Variants in PCDHGB4 observed in about 807,000 individuals in gnomAD.
PCDHGB4 encodes the protein protocadherin gamma subfamily B, 4.
PCDHGB4 carries 38 observed loss-of-function variants against 60.5 expected under a neutral mutation model. The observed-to-expected ratio is 0.63, with a 90% CI of 0.48 to 0.82. The LOEUF (loss-of-function observed/expected upper bound fraction) is 0.82, where lower values mean the gene tolerates loss of function less well. PCDHGB4 is among the 40% of genes least tolerant of loss of function. PCDHGB4 has a pLI of 0.00. For synonymous variants in PCDHGB4, 456 were observed against 509.7 expected, an observed-to-expected ratio of 0.89 and a Z score of 1.42; for missense variants, 1,109 against 1,209.6, an observed-to-expected ratio of 0.92 and a Z score of 1.23.
chr5:141,419,505 G>A lies in PCDHGB4; in HGVS notation c.2397+29224G>A, dbSNP rs115850576. The A allele has an allele frequency of 8.4e-4, 1,351 of 1,612,324 alleles. 13 individuals are homozygous for A. In the African/African-American group the frequency reaches 0.015, roughly 18 times the overall value. The stretch of plus-strand genomic sequence containing the variant: ...GCGCTCAGCGCCAATGTGAGCCTGC[G>A]CGTGTTGGTGGGCGACCGTAACGAC... On this transcript the variant is annotated intron_variant, in intron 1 of 3. Transcript: ENST00000519479.
rs199698737 is a variant in PCDHGB4, at chr5:141,438,639, C to T, written c.2397+48358C>T. On this transcript the variant is annotated intron_variant, in intron 1 of 3. Transcript: ENST00000519479. ...ATATATATATATATATATATATACA[C>T]ACACACACACACATATATGTATATA... 7.1e-3 allele frequency among the ~76,000 whole-genome samples: 359 copies of T among 50,816 alleles called. 1 individual carries two copies. Among genetic ancestry groups the T allele is most frequent in the South Asian group, 0.017 (27 of 1,588 alleles). The allele number at this position is 50,816 out of a possible 152,430, so 33.3% of individuals were successfully genotyped here.
At chr5:141,400,538 A>G (rs994052728) in intron 1 of PCDHGB4, 1 of 1,613,662 alleles carries the variant, frequency 6.2e-7, no homozygotes, top group African/African-American at 1.3e-5. Context: ...AGTTTCATTT[A>G]TGTCTATTCT....
At chr5:141,501,355 A>G (rs936121172) in intron 2 of PCDHGB4, among the ~76,000 whole-genome samples, 4 of 151,760 alleles carry the variant, frequency 2.6e-5, no homozygotes, top group African/African-American at 9.7e-5. Flanking sequence ...ATAGGGCAAG[A>G]ACCATATTCA....
chr5:141,395,542 TTGTGTGTGTGTGTGTGTGTG>T (rs55729045), intron 1 of PCDHGB4: 12 of 172,620 alleles, frequency 7.0e-5, no homozygotes, highest in Admixed American at 1.6e-4. Flanking sequence ...TTGCTATTGT[TTGTGTGTGTGTGTGTGTGTG>T]TGTGTGTGTG....
chr5:141,422,928 C>T lies in PCDHGB4; in HGVS notation c.2397+32647C>T, dbSNP rs781145334. 4 of 1,614,128 alleles carry T rather than the reference C, an allele frequency of 2.5e-6. No individual in the cohort carries two copies. In the African/African-American group the frequency reaches 4.0e-5, roughly 16 times the overall value. On this transcript the variant is annotated intron_variant, in intron 1 of 3. Transcript: ENST00000519479. ...ATGCGCCCGAGATCCTGTACCCTGC[C>T]CTCCCCACAGACGGCTCCACTGGCG...
In PCDHGB4 at chr5:141,399,918, C is replaced by T. The variant is rs1163309827; in HGVS notation, c.2397+9637C>T. On this transcript the variant is annotated intron_variant, in intron 1 of 3. Coordinates refer to ENST00000519479, the MANE Select transcript of PCDHGB4 (RefSeq NM_003736.4). ...CCGTGGACGCAGACTCAGGACACAA[C>T]GCCTGGCTGTCCTACCACGTGCTGC... The T allele has an allele frequency of 4.3e-6, 7 of 1,612,240 alleles. No individual in the cohort carries two copies. In the East Asian group the frequency reaches 8.9e-5, roughly 21 times the overall value.
intron 1 of PCDHGB4, chr5:141,419,076 C>G: frequency 6.2e-7 from 1 of 1,613,956 alleles, no homozygotes; most frequent in Non-Finnish European, 8.5e-7. Context: ...AAGCTAGTAA[C>G]AGATGAGGCC....
Position 141,431,464 on chromosome 5 carries a change from G to GA in PCDHGB4, c.2397+41185dup, listed in dbSNP as rs1561852795. 1 of 1,613,782 alleles carries GA rather than the reference G, an allele frequency of 6.2e-7. No homozygotes were observed. Among genetic ancestry groups the GA allele is most frequent in the Non-Finnish European group, 8.5e-7 (1 of 1,179,972 alleles). ...GCATCCGCGTGATGGTTCTGGATGC[G>GA]AACGACAACGCACCAGCGTTTGCTC... On this transcript the variant is annotated intron_variant, in intron 1 of 3. Coordinates refer to ENST00000519479, the MANE Select transcript of PCDHGB4 (RefSeq NM_003736.4). This position sits in a 1 kb window ranked among gnomAD's most constrained non-coding sequence, Gnocchi z 4.8.
chr5:141,400,402 G>T (rs574141234), intron 1 of PCDHGB4: 2 of 1,614,056 alleles, frequency 1.2e-6, no homozygotes, highest in South Asian at 2.2e-5. Context: ...AGGAAAGACG[G>T]AGTTTAATTT....
At position 141,399,889 on chromosome 5, in the gene PCDHGB4, G is replaced by A. The variant is rs2093912508; in HGVS notation, c.2397+9608G>A. 2.5e-6 allele frequency: 4 copies of A among 1,612,576 alleles called. No homozygotes were observed. In the African/African-American group the frequency reaches 5.3e-5, roughly 22 times the overall value. On this transcript the variant is annotated intron_variant, in intron 1 of 3. Coordinates refer to ENST00000519479, the MANE Select transcript of PCDHGB4 (RefSeq NM_003736.4). Reference sequence around the variant, plus strand: ...GCCCGGCTACCTGGTGACCAAGGTAGTGGCCGTGGACGCAGACTCAGGACA... The same window carrying A: ...GCCCGGCTACCTGGTGACCAAGGTAATGGCCGTGGACGCAGACTCAGGACA...
chr5:141,397,004 T>A (rs2150690904), intron 1 of PCDHGB4, among the ~76,000 whole-genome samples: 2 of 152,342 alleles, frequency 1.3e-5, no homozygotes, highest in African/African-American at 4.8e-5. Context: ...ATCTGACAAA[T>A]GGACTAAAGA....
chr5:141,429,169 T>TACGC (rs2097190400), intron 1 of PCDHGB4: 1 of 145,394 alleles, frequency 6.9e-6, no homozygotes, highest in Non-Finnish European at 1.5e-5. Flanking sequence ...ACATTGTTTA[T>TACGC]ACACACACAC....
chr5:141,470,794 C>T (rs1332287628), intron 1 of PCDHGB4, among the ~76,000 whole-genome samples: 1 of 152,162 alleles, frequency 6.6e-6, no homozygotes, highest in African/African-American at 2.4e-5. Flanking sequence ...CTCAAGCAAT[C>T]CTCCCACTTC....
In PCDHGB4 at chr5:141,432,847, G is replaced by A. The variant is rs768265171; in HGVS notation, c.2397+42566G>A. On this transcript the variant is annotated intron_variant, in intron 1 of 3. Transcript: ENST00000519479. The surrounding 1 kb of genome is among the most constrained non-coding windows in gnomAD (Gnocchi z 6.0). Reference sequence around the variant, plus strand: ...ACCTCACTCTGTACCTGGTGGTAGCGGTGGCCGCGGTCTCCTGCGTCTTCC... The same window carrying A: ...ACCTCACTCTGTACCTGGTGGTAGCAGTGGCCGCGGTCTCCTGCGTCTTCC... 5.0e-6 allele frequency: 8 copies of A among 1,614,180 alleles called. No homozygotes were observed. The highest frequency in any genetic ancestry group is 6.8e-6 in the Non-Finnish European group (8 of 1,179,994).
At chr5:141,484,352 T>A (rs112226980) in intron 1 of PCDHGB4, among the ~76,000 whole-genome samples, 8,127 of 152,270 alleles carry the variant, frequency 0.053, 445 homozygotes, top group African/African-American at 0.15. Context: ...TAATTTAGTG[T>A]ATCTAGTGTA....
At chr5:141,417,602 C>G in intron 1 of PCDHGB4, 1 of 510,170 alleles carries the variant, frequency 2.0e-6, no homozygotes, top group Middle Eastern at 5.2e-4. Context: ...TGGGCGCCGC[C>G]GTCGGCCAGT....
intron 1 of PCDHGB4, among the ~76,000 whole-genome samples, chr5:141,448,180 G>C (rs961721974): frequency 1.3e-5 from 2 of 151,998 alleles, no homozygotes; most frequent in African/African-American, 2.4e-5. Flanking sequence ...TTCATCCCTG[G>C]TTATGTACAC....
At chr5:141,392,852 G>A in intron 1 of PCDHGB4, 3 of 1,611,984 alleles carry the variant, frequency 1.9e-6, no homozygotes, top group Non-Finnish European at 2.5e-6. Context: ...GCGGCGAGCT[G>A]ATCCTGCTGT....
chr5:141,505,832 T>G (rs1006398435), intron 3 of PCDHGB4, among the ~76,000 whole-genome samples: 1 of 152,188 alleles, frequency 6.6e-6, no homozygotes, highest in African/African-American at 2.4e-5. Flanking sequence ...AAACCTCAGT[T>G]TCCTCAGCCT....
Sources: allele counts gnomAD v4.1 joint callset (sites outside exome capture counted in the v4.1 genomes callset), GRCh38; gene constraint gnomAD v4.1.1; non-coding constraint Gnocchi (gnomAD v3.1); transcripts MANE v1.5; gene names NCBI Gene and HGNC (gene_info 2026-07-23, HGNC 2026-07-21).